CNTNAP4: variants seen among roughly 807,000 people sequenced by gnomAD.
CNTNAP4 encodes contactin associated protein family member 4, also known as contactin-associated protein-like 4.
In CNTNAP4, 98 loss-of-function variants were observed where a neutral mutation model predicts 148.4. The observed-to-expected ratio is 0.66, with a 90% CI of 0.56 to 0.78. CNTNAP4 has a LOEUF of 0.78. Among genes scored for constraint, CNTNAP4 ranks in the 30% least tolerant of loss-of-function variants. The pLI is 0.00. For synonymous variants in CNTNAP4, 730 were observed against 565.1 expected, an observed-to-expected ratio of 1.29 and a Z score of -4.14; for missense variants, 1,935 against 1,565.6, an observed-to-expected ratio of 1.24 and a Z score of -3.98.
In CNTNAP4 at chr16:76,318,075, C is replaced by G. The variant is rs1961995310; in HGVS notation, c.196+1552C>G. 2.6e-5 allele frequency among the ~76,000 whole-genome samples: 4 copies of G among 152,132 alleles called. 1 individual carries two copies. In the South Asian group the frequency reaches 8.3e-4, roughly 32 times the overall value. ...AGTCCCTGACCCATCAGGGGACTTTCCTAGCCTCTCTGATGGCCATTCCAG... is the reference window on the plus strand; with the variant it reads ...AGTCCCTGACCCATCAGGGGACTTTGCTAGCCTCTCTGATGGCCATTCCAG... On this transcript the variant is annotated intron_variant, in intron 2 of 23. Transcript: ENST00000611870.
At chr16:76,292,611 G>A (rs1022622478) in intron 1 of CNTNAP4, among the ~76,000 whole-genome samples, 2 of 152,220 alleles carry the variant, frequency 1.3e-5, no homozygotes, top group African/African-American at 4.8e-5. Context: ...TACTATTTAT[G>A]GGTAGGACCT....
chr16:76,477,406 A>T (rs1049819333), intron 11 of CNTNAP4, among the ~76,000 whole-genome samples: 1 of 152,170 alleles, frequency 6.6e-6, no homozygotes, highest in Non-Finnish European at 1.5e-5. Flanking sequence ...AGGTAAGAGT[A>T]TAAGGTACAA....
At chr16:76,454,854 G>T (rs1277279441) in intron 8 of CNTNAP4, among the ~76,000 whole-genome samples, 2 of 151,880 alleles carry the variant, frequency 1.3e-5, no homozygotes, top group Non-Finnish European at 2.9e-5. Context: ...ATATAAGGAT[G>T]GATTAATTTT....
Position 76,355,347 on chromosome 16 carries a change from A to G in CNTNAP4, c.226A>G (p.Asn76Asp). 1 of 1,593,680 alleles carries G rather than the reference A, an allele frequency of 6.3e-7. No homozygotes were observed. The highest frequency in any genetic ancestry group is 1.1e-5 in the South Asian group (1 of 88,188). Residue 76 changes from asparagine (N) to aspartate (D), a missense_variant, in exon 3 of 24, where the codon AAC becomes GAC. Physicochemically the swap from Asn to Asp is conservative, Grantham distance 23. Transcript: ENST00000611870. ...GAGGWSPLVSNKYQWLQIDLG... is the reference protein window; with the variant it reads ...GAGGWSPLVSDKYQWLQIDLG... Reference sequence around the variant, plus strand: ...TGGTGGCTGGTCTCCACTTGTGTCTAACAAATACCAGTGGTTGCAGATTGA... The same window carrying G: ...TGGTGGCTGGTCTCCACTTGTGTCTGACAAATACCAGTGGTTGCAGATTGA...
At chr16:76,470,365 A>G (rs927507859) in intron 10 of CNTNAP4, among the ~76,000 whole-genome samples, 3 of 151,200 alleles carry the variant, frequency 2.0e-5, no homozygotes, top group African/African-American at 7.4e-5. Flanking sequence ...AGCCAGCCAG[A>G]CACGGTGACT....
At position 76,531,281 on chromosome 16, in the gene CNTNAP4, A is replaced by G. The variant is rs1471497212; in HGVS notation, c.2756-4264A>G. 2.6e-5 allele frequency among the ~76,000 whole-genome samples: 4 copies of G among 152,318 alleles called. No homozygotes were observed. The East Asian group carries it at 7.7e-4, about 29-fold the overall frequency. On this transcript the variant is annotated intron_variant, in intron 17 of 23. Transcript: ENST00000611870. ...GCCACAAAAATAGTGGAAAATTGGC[A>G]TAGGAAAGAACCAGCTTCTACTCCA...
intron 2 of CNTNAP4, among the ~76,000 whole-genome samples, chr16:76,326,299 A>G (rs1304906575): frequency 1.3e-5 from 2 of 152,146 alleles, no homozygotes; most frequent in Non-Finnish European, 2.9e-5. Flanking sequence ...CTCAGCTGGA[A>G]TGTACATGTG....
intron 23 of CNTNAP4, among the ~76,000 whole-genome samples, chr16:76,555,474 A>C (rs949894364): frequency 6.6e-6 from 1 of 152,228 alleles, no homozygotes; most frequent in African/African-American, 2.4e-5. Context: ...TGTGTCCAAG[A>C]GTTTAAGCTA....
chr16:76,298,509 TGTGTGTGTGTGTGTGTGTGTGA>T (rs1959566462), intron 1 of CNTNAP4, among the ~76,000 whole-genome samples: 2 of 150,536 alleles, frequency 1.3e-5, no homozygotes, highest in Non-Finnish European at 3.0e-5. Flanking sequence ...TGTGTGTGTG[TGTGTGTGTGTGTGTGTGTGTGA>T]GGTAAGGGGC....
At chr16:76,293,237 G>T (rs1156673602) in intron 1 of CNTNAP4, among the ~76,000 whole-genome samples, 5 of 151,846 alleles carry the variant, frequency 3.3e-5, no homozygotes, top group Non-Finnish European at 5.9e-5. Flanking sequence ...CGATTCTCCT[G>T]CCTCAGCCTC....
At chr16:76,430,937 G>T (rs1356435695) in intron 4 of CNTNAP4, among the ~76,000 whole-genome samples, 1 of 152,036 alleles carries the variant, frequency 6.6e-6, no homozygotes, top group Non-Finnish European at 1.5e-5. Context: ...CCATTTATTG[G>T]TACTTGCCAA....
chr16:76,416,433 A>G (rs139021511), intron 3 of CNTNAP4, among the ~76,000 whole-genome samples: 238 of 151,434 alleles, frequency 1.6e-3, no homozygotes, highest in African/African-American at 5.4e-3. Flanking sequence ...CTTTTGCTCT[A>G]TCCTGCGTAT....
chr16:76,499,045 T>A (rs2082521777), intron 15 of CNTNAP4, among the ~76,000 whole-genome samples: 1 of 147,608 alleles, frequency 6.8e-6, no homozygotes, highest in Non-Finnish European at 1.5e-5. Flanking sequence ...AATTTCAAAT[T>A]TTATGTATCT....
chr16:76,362,929 A>G (rs559032870), intron 3 of CNTNAP4, among the ~76,000 whole-genome samples: 2 of 152,278 alleles, frequency 1.3e-5, no homozygotes, highest in East Asian at 3.9e-4. Flanking sequence ...AGGAAAAAAG[A>G]ATACACAATG....
intron 3 of CNTNAP4, among the ~76,000 whole-genome samples, chr16:76,408,389 AGTT>A (rs1483400592): frequency 7.6e-6 from 1 of 131,532 alleles, no homozygotes; most frequent in Non-Finnish European, 1.8e-5. Flanking sequence ...AACAATTAAC[AGTT>A]GTTAATCTAT....
chr16:76,518,104 G>A (rs2083318021), intron 15 of CNTNAP4, among the ~76,000 whole-genome samples: 1 of 151,836 alleles, frequency 6.6e-6, no homozygotes. Flanking sequence ...ATAAAAGGTA[G>A]GGTTTCTAGA....
chr16:76,552,497 A>G (rs1597146039), intron 21 of CNTNAP4, among the ~76,000 whole-genome samples: 1 of 152,310 alleles, frequency 6.6e-6, no homozygotes, highest in East Asian at 1.9e-4. Context: ...AGTTAAAATT[A>G]TAATTAATAT....
chr16:76,367,898 T>C (rs929708230), intron 3 of CNTNAP4, among the ~76,000 whole-genome samples: 2 of 152,194 alleles, frequency 1.3e-5, no homozygotes, highest in Non-Finnish European at 2.9e-5. Context: ...TGGTATCTTA[T>C]CAGTCCTAGG....
At chr16:76,521,851 C>G (rs1386066630) in intron 16 of CNTNAP4, among the ~76,000 whole-genome samples, 188 bp from the exon 17 acceptor site, 2 of 152,076 alleles carry the variant, frequency 1.3e-5, no homozygotes, top group East Asian at 1.9e-4. Flanking sequence ...TTAACTGTCT[C>G]ATTTCACATC....
Sources: gnomAD v4.1 joint callset for allele counts (sites outside exome capture counted in the v4.1 genomes callset) on GRCh38, gnomAD v4.1.1 for gene constraint, MANE v1.5 for transcripts, NCBI Gene and HGNC (gene_info 2026-07-23, HGNC 2026-07-21) for gene names.